Variants in CNTNAP2 observed in about 807,000 individuals in gnomAD.
CNTNAP2 encodes the protein contactin-associated protein-like 2.
CNTNAP2 carries 98 observed loss-of-function variants against 155.2 expected under a neutral mutation model. The observed-to-expected ratio is 0.63, with a 90% CI of 0.54 to 0.75. CNTNAP2 has a LOEUF of 0.75. Ranked by LOEUF, CNTNAP2 falls within the 30% of genes least tolerant of loss-of-function variation. The pLI is 0.00. For missense variants in CNTNAP2, 1,727 were observed against 1,688.1 expected, an observed-to-expected ratio of 1.02 and a Z score of -0.40; for synonymous variants, 651 against 631.2, an observed-to-expected ratio of 1.03 and a Z score of -0.47.
At chr7:146,957,895 AT>A (rs1797468262) in intron 3 of CNTNAP2, among the ~76,000 whole-genome samples, 1 of 152,222 alleles carries the variant, frequency 6.6e-6, no homozygotes, top group African/African-American at 2.4e-5. Context: ...AAGAATGATA[AT>A]TCTTTATCAT....
chr7:147,191,350 A>AT (rs1258680899), intron 8 of CNTNAP2, among the ~76,000 whole-genome samples: 1 of 152,204 alleles, frequency 6.6e-6, no homozygotes, highest in African/African-American at 2.4e-5. Flanking sequence ...GTTAAATATC[A>AT]TTTTTATGAG....
intron 9 of CNTNAP2, among the ~76,000 whole-genome samples, chr7:147,330,791 A>C (rs700293): frequency 0.15 from 23,407 of 152,156 alleles, 1,974 homozygotes; most frequent in East Asian, 0.32. Context: ...ATTTGGTGTC[A>C]GAAATGCTGT....
intron 8 of CNTNAP2, among the ~76,000 whole-genome samples, chr7:147,273,198 C>A (rs981429174): frequency 1.3e-5 from 2 of 152,078 alleles, no homozygotes; most frequent in African/African-American, 4.8e-5. Context: ...ATCACCACTT[C>A]GCGCCGAAAT....
At chr7:147,603,916 C>T (rs1168547609) in intron 12 of CNTNAP2, among the ~76,000 whole-genome samples, 18 of 151,790 alleles carry the variant, frequency 1.2e-4, no homozygotes, top group East Asian at 3.9e-4. Flanking sequence ...GAAATAACGC[C>T]GCATATCTAC....
At chr7:147,056,113 A>G (rs904362890) in intron 4 of CNTNAP2, among the ~76,000 whole-genome samples, 1 of 152,178 alleles carries the variant, frequency 6.6e-6, no homozygotes, top group Admixed American at 6.5e-5. Context: ...ACTTTAGCCA[A>G]ATCAACAACA....
At chr7:146,638,514 TCA>T (rs1799647228) in intron 1 of CNTNAP2, among the ~76,000 whole-genome samples, 1 of 125,228 alleles carries the variant, frequency 8.0e-6, no homozygotes, top group African/African-American at 3.1e-5. Context: ...AGATGGAGTC[TCA>T]CTCTGTTGCC....
chr7:146,732,729 G>A (rs566374713), intron 1 of CNTNAP2, among the ~76,000 whole-genome samples: 94 of 152,018 alleles, frequency 6.2e-4, no homozygotes, highest in African/African-American at 2.2e-3. Context: ...ATCCAAAATC[G>A]GATGCTTCAG....
intron 1 of CNTNAP2, among the ~76,000 whole-genome samples, chr7:146,459,090 C>T (rs1796598870): frequency 6.6e-6 from 1 of 152,126 alleles, no homozygotes; most frequent in African/African-American, 2.4e-5. Flanking sequence ...AAATGTAACT[C>T]ACAGATTCCC....
intron 1 of CNTNAP2, among the ~76,000 whole-genome samples, chr7:146,260,153 A>G (rs1799899551): frequency 1.3e-5 from 2 of 152,228 alleles, no homozygotes; most frequent in Non-Finnish European, 1.5e-5. Context: ...GAGGGTGCAT[A>G]GAAGACAAGA....
chr7:146,412,793 G>T (rs1352166922), intron 1 of CNTNAP2, among the ~76,000 whole-genome samples: 1 of 152,182 alleles, frequency 6.6e-6, no homozygotes, highest in African/African-American at 2.4e-5. Context: ...CAAATTTTCT[G>T]TGGCTCCTCA....
In CNTNAP2 at chr7:147,441,813, T is replaced by TTCTCTCTCTCTCTCTCTCTC. The variant is rs568227936; in HGVS notation, c.1671-44103_1671-44084dup. 7.3e-4 allele frequency among the ~76,000 whole-genome samples: 75 copies of TTCTCTCTCTCTCTCTCTCTC among 102,168 alleles called. 5 individuals are homozygous for TTCTCTCTCTCTCTCTCTCTC. Among genetic ancestry groups the TTCTCTCTCTCTCTCTCTCTC allele is most frequent in the Admixed American group, 4.9e-3 (39 of 7,920 alleles). 67.0% of individuals were successfully genotyped at this position (102,168 alleles called of 152,430 possible). A position where few individuals can be genotyped will look rare whatever the true frequency, so the allele number is the denominator to read the frequency against. ...TTTCTTCCAACCAAATGTAGTCTCT[T>TTCTCTCTCTCTCTCTCTCTC]TCTCTCTCTCTCTCTCTCTCTCTCT... is the stretch of plus-strand genomic sequence containing the variant. On this transcript the variant is annotated intron_variant, in intron 10 of 23. Transcript: ENST00000361727.
intron 1 of CNTNAP2, among the ~76,000 whole-genome samples, chr7:146,203,857 A>G (rs1320976418): frequency 6.6e-6 from 1 of 152,010 alleles, no homozygotes; most frequent in East Asian, 1.9e-4. Flanking sequence ...GATGAAGAAC[A>G]AATATATATA....
rs529257312 is a variant in CNTNAP2, at chr7:147,638,824, CCAA to C, written c.1898-278_1898-276del. 5.9e-5 allele frequency: 32 copies of C among 539,142 alleles called. No homozygotes were observed. The highest frequency in any genetic ancestry group is 5.3e-4 in the South Asian group (31 of 58,104). 33.4% of individuals were successfully genotyped at this position (539,142 alleles called of 1,614,324 possible). A position where few individuals can be genotyped will look rare whatever the true frequency, so the allele number is the denominator to read the frequency against. ...ATTCAATGCTGCAGATGTTAGAGCACCAACAAGATACAAAAGCTTTTTTTTTTT... is the reference window on the plus strand; with the variant it reads ...ATTCAATGCTGCAGATGTTAGAGCACCAAGATACAAAAGCTTTTTTTTTTT... On this transcript the variant is annotated intron_variant, in intron 12 of 23. Transcript: ENST00000361727.
At position 148,164,151 on chromosome 7, in the gene CNTNAP2, T is replaced by C. The variant is rs112297062; in HGVS notation, c.2774-8091T>C. Reference sequence around the variant, plus strand: ...GGTTTCACCATGTTGGCCAGGCTGGTCTCGAACTCCTGACCTCAGTGATCT... The same window carrying C: ...GGTTTCACCATGTTGGCCAGGCTGGCCTCGAACTCCTGACCTCAGTGATCT... On this transcript the variant is annotated intron_variant, in intron 17 of 23. Coordinates refer to ENST00000361727, the MANE Select transcript of CNTNAP2 (RefSeq NM_014141.6). 1.0e-2 allele frequency among the ~76,000 whole-genome samples: 1,519 copies of C among 152,300 alleles called. 34 individuals are homozygous for C. Among genetic ancestry groups the C allele is most frequent in the African/African-American group, 0.034 (1,414 of 41,570 alleles).
intron 1 of CNTNAP2, among the ~76,000 whole-genome samples, chr7:146,389,474 T>C (rs2129106338): frequency 6.6e-6 from 1 of 152,162 alleles, no homozygotes; most frequent in East Asian, 1.9e-4. Context: ...GTCTTTTTGT[T>C]ATTCTTTCTG....
chr7:148,070,949 T>C (rs1220148214), intron 15 of CNTNAP2, among the ~76,000 whole-genome samples: 2 of 152,208 alleles, frequency 1.3e-5, no homozygotes, highest in African/African-American at 4.8e-5. Context: ...AACTAATACA[T>C]CTTAAAATTC....
intron 9 of CNTNAP2, among the ~76,000 whole-genome samples, chr7:147,353,168 C>G (rs1295615666): frequency 6.7e-6 from 1 of 149,260 alleles, no homozygotes; most frequent in African/African-American, 2.5e-5. Context: ...TATATGTATA[C>G]TTTAAGTTCT....
At chr7:148,183,118 A>C (rs1478294334) in intron 18 of CNTNAP2, among the ~76,000 whole-genome samples, 1 of 152,248 alleles carries the variant, frequency 6.6e-6, no homozygotes, top group African/African-American at 2.4e-5. Context: ...GTGGATTGCC[A>C]GCAAGGAAGG....
At chr7:147,379,090 G>A (rs1431540195) in intron 9 of CNTNAP2, among the ~76,000 whole-genome samples, 1 of 151,878 alleles carries the variant, frequency 6.6e-6, no homozygotes, top group African/African-American at 2.4e-5. Flanking sequence ...TGTGAAGAAG[G>A]GTGTGTTTGC....
Sources: gnomAD v4.1 joint callset for allele counts (sites outside exome capture counted in the v4.1 genomes callset) on GRCh38, gnomAD v4.1.1 for gene constraint, MANE v1.5 for transcripts, NCBI Gene and HGNC (gene_info 2026-07-23, HGNC 2026-07-21) for gene names.